The following TRAF3IP1 variants were observed in gnomAD, a reference collection of about 807,000 sequenced individuals.
TRAF3IP1 encodes the protein TRAF3-interacting protein 1.
In TRAF3IP1, 53 loss-of-function variants were observed where a neutral mutation model predicts 89.9. The observed-to-expected ratio is 0.59, with a 90% CI of 0.47 to 0.74. TRAF3IP1 has a LOEUF of 0.74. Ranked by LOEUF, TRAF3IP1 falls within the 30% of genes least tolerant of loss-of-function variation. The pLI is 0.00. For synonymous variants in TRAF3IP1, 311 were observed against 322.1 expected (o/e 0.97, Z 0.37); for missense variants, 806 against 866.1 (o/e 0.93, Z 0.87).
At chr2:238,328,344 C>A (rs1435466303) in intron 3 of TRAF3IP1, among the ~76,000 whole-genome samples, 1 of 151,990 alleles carries the variant, frequency 6.6e-6, no homozygotes, top group Non-Finnish European at 1.5e-5. Flanking sequence ...TTCTATGATC[C>A]CATTAGAAGT....
At chr2:238,367,923 A>G (rs930759136) in intron 15 of TRAF3IP1, among the ~76,000 whole-genome samples, 1 of 152,260 alleles carries the variant, frequency 6.6e-6, no homozygotes, top group African/African-American at 2.4e-5. Flanking sequence ...TTTTGGAGCA[A>G]CTTATTTCGA....
intron 1 of TRAF3IP1, 71 bp from the exon 2 acceptor site, chr2:238,325,235 A>G (rs760103269): frequency 6.4e-6 from 9 of 1,405,490 alleles, no homozygotes; most frequent in Non-Finnish European, 8.1e-6. Context: ...CCAAGTGTGG[A>G]GTTGAGTGGA....
chr2:238,325,987 G>A lies in TRAF3IP1; in HGVS notation c.354+17G>A. 2 of 1,601,818 alleles carry A rather than the reference G, an allele frequency of 1.2e-6. No individual in the cohort carries two copies. The highest frequency in any genetic ancestry group is 2.2e-5 in the East Asian group (1 of 44,694). ...CTCAACAAGGTACTACTGCTGTCCT[G>A]GCATTTTGAACTTACTTAGTACTTG... On this transcript the variant is annotated intron_variant, in intron 3 of 16. Transcript: ENST00000373327.
chr2:238,335,766 T>TTTTATTTATTTA (rs141038702), intron 7 of TRAF3IP1, among the ~76,000 whole-genome samples: 152 of 137,124 alleles, frequency 1.1e-3, no homozygotes, highest in Non-Finnish European at 1.6e-3. Flanking sequence ...TTTTATTTTA[T>TTTTATTTATTTA]TTTATTTATT....
At chr2:238,343,225 A>T (rs1698738896) in intron 8 of TRAF3IP1, among the ~76,000 whole-genome samples, 2 of 152,082 alleles carry the variant, frequency 1.3e-5, no homozygotes, top group South Asian at 4.1e-4. Flanking sequence ...GGCTGGGACT[A>T]CAGGCATGTG....
chr2:238,352,532 C>T lies in TRAF3IP1; in HGVS notation c.1452-295C>T, dbSNP rs73999912. 8.0e-3 allele frequency among the ~76,000 whole-genome samples: 1,219 copies of T among 151,818 alleles called. 23 individuals are homozygous for T. The highest frequency in any genetic ancestry group is 0.027 in the African/African-American group (1,136 of 41,404). On this transcript the variant is annotated intron_variant, in intron 12 of 16. Coordinates refer to ENST00000373327, the MANE Select transcript of TRAF3IP1 (RefSeq NM_015650.4). ...GGTCTTTGTGCAGTAGAGGGCATGA[C>T]GAGGCTGTGGGGACGGGAGGCCAGG... is the stretch of plus-strand genomic sequence containing the variant.
At chr2:238,332,323 T>A (rs764156189) in intron 5 of TRAF3IP1, among the ~76,000 whole-genome samples, 3 of 152,224 alleles carry the variant, frequency 2.0e-5, no homozygotes, top group East Asian at 1.9e-4. Context: ...TTTCATGCAG[T>A]TTATGTTATG....
intron 6 of TRAF3IP1, 113 bp downstream of exon 6, chr2:238,333,008 C>T: frequency 1.3e-6 from 1 of 761,718 alleles, no homozygotes; most frequent in Admixed American, 2.4e-5. Flanking sequence ...ATGGTCTGGG[C>T]CTATCTGTAA....
At chr2:238,381,084 A>G (rs1247081379) in intron 15 of TRAF3IP1, among the ~76,000 whole-genome samples, 2 of 150,184 alleles carry the variant, frequency 1.3e-5, no homozygotes, top group Admixed American at 6.6e-5. Context: ...TCTTGCCACA[A>G]TGACGGGATT....
At chr2:238,373,309 A>T (rs1232858403) in intron 15 of TRAF3IP1, among the ~76,000 whole-genome samples, 1 of 152,186 alleles carries the variant, frequency 6.6e-6, no homozygotes, top group Non-Finnish European at 1.5e-5. Flanking sequence ...TAATTTTTGT[A>T]TATGGTATAA....
At chr2:238,354,711 C>T (rs1350893129) in intron 14 of TRAF3IP1, among the ~76,000 whole-genome samples, 4 of 152,074 alleles carry the variant, frequency 2.6e-5, no homozygotes, top group African/African-American at 4.8e-5. Context: ...AGTGCAGTGG[C>T]GCGATCTTGG....
chr2:238,323,316 T>C (rs1697654645), intron 1 of TRAF3IP1, among the ~76,000 whole-genome samples: 1 of 152,224 alleles, frequency 6.6e-6, no homozygotes, highest in African/African-American at 2.4e-5. Flanking sequence ...TGACCTCAGG[T>C]GATCCGCCTG....
intron 15 of TRAF3IP1, among the ~76,000 whole-genome samples, chr2:238,363,086 A>T (rs1699731176): frequency 6.6e-6 from 1 of 151,852 alleles, no homozygotes; most frequent in South Asian, 2.1e-4. Context: ...GTGTCTTTTT[A>T]TTTCTTGGTG....
chr2:238,384,409 G>T (rs918013678), intron 15 of TRAF3IP1, among the ~76,000 whole-genome samples: 1 of 151,688 alleles, frequency 6.6e-6, no homozygotes, highest in African/African-American at 2.4e-5. Context: ...GTCTTGCTCT[G>T]TTGGCCAGGC....
chr2:238,351,927 G>GTA lies in TRAF3IP1; in HGVS notation c.1452-898_1452-897dup, dbSNP rs1489581258. ...TATGCGTGTGTGTGTGTGTGTGTGTGTATGCATGTGCACGCATGCAGCACT... is the reference window on the plus strand; with the variant it reads ...TATGCGTGTGTGTGTGTGTGTGTGTGTATATGCATGTGCACGCATGCAGCACT... On this transcript the variant is annotated intron_variant, in intron 12 of 16. Coordinates refer to ENST00000373327, the MANE Select transcript of TRAF3IP1 (RefSeq NM_015650.4). The surrounding 1 kb of genome is among the most constrained non-coding windows in gnomAD (Gnocchi z 5.2). 2.0e-5 allele frequency among the ~76,000 whole-genome samples: 3 copies of GTA among 151,844 alleles called. No homozygotes were observed. Among genetic ancestry groups the GTA allele is most frequent in the South Asian group, 4.2e-4 (2 of 4,814 alleles).
chr2:238,391,129 A>G (rs112551758), intron 15 of TRAF3IP1, among the ~76,000 whole-genome samples: 9,022 of 151,464 alleles, frequency 0.06, 378 homozygotes, highest in Non-Finnish European at 0.082. Context: ...TAATTTTTGT[A>G]TTTTTTTTGT....
At position 238,342,288 on chromosome 2, in the gene TRAF3IP1, C is replaced by T. The variant is rs55834235; in HGVS notation, c.1160-2209C>T. Among the ~76,000 whole-genome samples the T allele has an allele frequency of 4.1e-3, 628 of 152,224 alleles. 4 individuals are homozygous for T. Among genetic ancestry groups the T allele is most frequent in the Non-Finnish European group, 7.1e-3 (482 of 68,010 alleles). ...ACAGGTGTGAGCCACCGCTCCTGGC[C>T]GTCATTTTCATTTTATAAGTGCATT... On this transcript the variant is annotated intron_variant, in intron 8 of 16. Transcript: ENST00000373327.
At chr2:238,330,871 T>C (rs1477140235) in intron 5 of TRAF3IP1, among the ~76,000 whole-genome samples, 1 of 152,226 alleles carries the variant, frequency 6.6e-6, no homozygotes, top group Non-Finnish European at 1.5e-5. Context: ...CCTGGAGTAA[T>C]GTACCCTATG....
chr2:238,397,366 C>G, intron 15 of TRAF3IP1, 93 bp from the exon 16 acceptor site: 2 of 1,155,848 alleles, frequency 1.7e-6, no homozygotes, highest in Non-Finnish European at 2.5e-6. Context: ...CGCCTTTCCT[C>G]CCAGCCCCAT....
Sources: gnomAD v4.1 joint callset for allele counts (sites outside exome capture counted in the v4.1 genomes callset) on GRCh38, gnomAD v4.1.1 for gene constraint, Gnocchi (gnomAD v3.1) non-coding constraint, MANE v1.5 for transcripts, NCBI Gene and HGNC (gene_info 2026-07-23, HGNC 2026-07-21) for gene names.